Variants in STX18 observed in about 807,000 individuals in gnomAD.
The protein encoded by STX18 is syntaxin-18.
In STX18, 40 loss-of-function variants were observed where a neutral mutation model predicts 50.1. That is an observed-to-expected ratio of 0.80 (90% CI 0.62 to 1.04). STX18 has a LOEUF of 1.04. STX18 is among the 50% of genes least tolerant of loss of function. The pLI, the probability that STX18 is intolerant of heterozygous loss-of-function variation, is 0.00. For synonymous variants in STX18, 158 were observed against 151.8 expected, an observed-to-expected ratio of 1.04 and a Z score of -0.30; for missense variants, 410 against 415.8, an observed-to-expected ratio of 0.99 and a Z score of 0.12.
intron 3 of STX18, among the ~76,000 whole-genome samples, chr4:4,458,114 C>T (rs923349411): frequency 1.3e-5 from 2 of 152,148 alleles, no homozygotes; most frequent in African/African-American, 4.8e-5. Context: ...GTGCCTACTG[C>T]GTGCAGGTAC....
At chr4:4,504,784 TAAAA>T (rs1388920408) in intron 1 of STX18, among the ~76,000 whole-genome samples, 2 of 152,010 alleles carry the variant, frequency 1.3e-5, no homozygotes, top group Non-Finnish European at 2.9e-5. Context: ...ATAGCTGAAA[TAAAA>T]AATACTAAAA....
intron 1 of STX18, among the ~76,000 whole-genome samples, chr4:4,518,185 A>G (rs1161909174): frequency 6.6e-6 from 1 of 152,248 alleles, no homozygotes; most frequent in East Asian, 1.9e-4. Flanking sequence ...AAAATGAACA[A>G]CTGCCCCAAT....
chr4:4,534,587 G>T (rs1192249449), intron 1 of STX18, among the ~76,000 whole-genome samples: 1 of 152,176 alleles, frequency 6.6e-6, no homozygotes, highest in African/African-American at 2.4e-5. Flanking sequence ...AGCTCTCCAT[G>T]TCAGTCTTGT....
chr4:4,507,815 T>TAAAAAAAAAAAAAAAAAAAAAATAAAAAA, intron 1 of STX18: 2 of 218,724 alleles, frequency 9.1e-6, no homozygotes, highest in East Asian at 7.7e-5. Flanking sequence ...ATATTCACAG[T>TAAAAAAAAAAAAAAAAAAAAAATAAAAAA]AAAAAAAAAA....
chr4:4,538,603 TG>T (rs1292864926), intron 1 of STX18, among the ~76,000 whole-genome samples: 6 of 152,076 alleles, frequency 3.9e-5, no homozygotes, highest in Non-Finnish European at 1.5e-5. Context: ...ATAATCAGTC[TG>T]TTTTTTTAAA....
intron 5 of STX18, among the ~76,000 whole-genome samples, chr4:4,449,895 G>C (rs1158381513): frequency 6.6e-6 from 1 of 152,108 alleles, no homozygotes; most frequent in Non-Finnish European, 1.5e-5. Flanking sequence ...TTGGCCAGTA[G>C]ACACCGCTTC....
At chr4:4,492,246 C>T (rs964179606) in intron 1 of STX18, among the ~76,000 whole-genome samples, 11 of 151,988 alleles carry the variant, frequency 7.2e-5, no homozygotes, top group African/African-American at 2.4e-4. Context: ...TAATTAAAAT[C>T]AGAGCTCATT....
intron 1 of STX18, among the ~76,000 whole-genome samples, chr4:4,503,060 C>T (rs991363857): frequency 6.6e-6 from 1 of 152,106 alleles, no homozygotes; most frequent in Non-Finnish European, 1.5e-5. Context: ...TTCCATCCAA[C>T]AAAATTAATA....
intron 6 of STX18, among the ~76,000 whole-genome samples, chr4:4,436,481 T>A (rs1239371083): frequency 6.6e-6 from 1 of 152,094 alleles, no homozygotes; most frequent in Non-Finnish European, 1.5e-5. Flanking sequence ...TGTTGTTGAT[T>A]TCTTTTTTAA....
At chr4:4,532,200 A>C (rs1218977186) in intron 1 of STX18, among the ~76,000 whole-genome samples, 1 of 152,234 alleles carries the variant, frequency 6.6e-6, no homozygotes. Context: ...GATTTTATTT[A>C]ACAGAAAAAA....
At chr4:4,439,289 T>A (rs927808616) in intron 5 of STX18, among the ~76,000 whole-genome samples, 1 of 124,732 alleles carries the variant, frequency 8.0e-6, no homozygotes, top group African/African-American at 4.7e-5. Flanking sequence ...CACACACATA[T>A]ATACACACAC....
intron 7 of STX18, among the ~76,000 whole-genome samples, chr4:4,429,196 T>C (rs901321964): frequency 2.6e-5 from 4 of 152,298 alleles, no homozygotes; most frequent in African/African-American, 9.6e-5. Flanking sequence ...AATGAACATA[T>C]GCTGAAGGGC....
chr4:4,464,307 T>C (rs891886618), intron 2 of STX18, among the ~76,000 whole-genome samples: 4 of 152,222 alleles, frequency 2.6e-5, no homozygotes, highest in Non-Finnish European at 4.4e-5. Flanking sequence ...CTGGAGTCTA[T>C]TCCAGAAAGC....
At chr4:4,439,434 A>G (rs1182480151) in intron 5 of STX18, among the ~76,000 whole-genome samples, 2 of 117,110 alleles carry the variant, frequency 1.7e-5, no homozygotes, top group African/African-American at 6.7e-5. Context: ...TATACCCCCC[A>G]CATATACCCT....
In STX18 at chr4:4,482,483, A is replaced by G. The variant is rs76008765; in HGVS notation, c.169-10777T>C. ...CATCCTTTCTAGATTCCAAGTTAGA[A>G]CACCTTGGCCATTTTACACTCTTCT... On this transcript the variant is annotated intron_variant, in intron 1 of 10. Coordinates refer to ENST00000306200, the MANE Select transcript of STX18 (RefSeq NM_016930.4). Among the ~76,000 whole-genome samples, 24 of 152,296 alleles carry G rather than the reference A, an allele frequency of 1.6e-4. 1 individual carries two copies. The East Asian group carries it at 4.6e-3, about 29-fold the overall frequency.
At position 4,456,946 on chromosome 4, in the gene STX18, C is replaced by T. The variant is rs28450970; in HGVS notation, c.497+245G>A. Among the ~76,000 whole-genome samples the T allele has an allele frequency of 5.9e-3, 899 of 152,260 alleles. 7 individuals are homozygous for T. The highest frequency in any genetic ancestry group is 9.5e-3 in the Non-Finnish European group (645 of 68,018). On this transcript the variant is annotated intron_variant, in intron 5 of 10. Coordinates refer to ENST00000306200, the MANE Select transcript of STX18 (RefSeq NM_016930.4). ...GGGTGAGTGGCCAAGCCTCCTGAGC[C>T]TCAACTTCCTCATTTGTAAAATGAG...
rs1727150185 is a variant in STX18 at position 4,457,636 on chromosome 4, G to A, written c.353-136C>T. On this transcript the variant is annotated intron_variant, in intron 3 of 10. Transcript: ENST00000306200. Reference sequence around the variant, plus strand: ...CTATAAAACAAGTCTTGTGCCAAGTGACACTACATTTTTAAAACAGTAAGA... The same window carrying A: ...CTATAAAACAAGTCTTGTGCCAAGTAACACTACATTTTTAAAACAGTAAGA... The A allele has an allele frequency of 9.2e-6, 6 of 655,136 alleles. No individual in the cohort carries two copies. The East Asian group carries it at 1.6e-4, about 18-fold the overall frequency. 40.6% of individuals were successfully genotyped at this position (655,136 alleles called of 1,614,324 possible).
intron 5 of STX18, among the ~76,000 whole-genome samples, chr4:4,455,067 CAA>C (rs1560172154): frequency 6.6e-6 from 1 of 152,180 alleles, no homozygotes; most frequent in Non-Finnish European, 1.5e-5. Context: ...GCAACCTGCT[CAA>C]AGTCACACAG....
At chr4:4,487,381 C>T (rs1224062746) in intron 1 of STX18, among the ~76,000 whole-genome samples, 1 of 152,154 alleles carries the variant, frequency 6.6e-6, no homozygotes, top group Non-Finnish European at 1.5e-5. Flanking sequence ...TCATATTGAA[C>T]ATTTAGTGTT....
Sources: allele counts gnomAD v4.1 joint callset (sites outside exome capture counted in the v4.1 genomes callset), GRCh38; gene constraint gnomAD v4.1.1; transcripts MANE v1.5; gene names NCBI Gene and HGNC (gene_info 2026-07-23, HGNC 2026-07-21).